Variants in DLG2 observed in about 807,000 individuals in gnomAD.
DLG2 encodes the protein discs large MAGUK scaffold protein 2.
In DLG2, 45 loss-of-function variants were observed where a neutral mutation model predicts 132.5. The ratio of observed to expected loss-of-function variants is 0.34; its 90% CI spans 0.27 to 0.44. DLG2 has a LOEUF of 0.44. Ranked by LOEUF, DLG2 falls within the 20% of genes least tolerant of loss-of-function variation. The pLI, the probability that DLG2 is intolerant of heterozygous loss-of-function variation, is 1.00. For synonymous variants in DLG2, 424 were observed against 419.6 expected, an observed-to-expected ratio of 1.01 and a Z score of -0.13; for missense variants, 1,045 against 1,196.9, an observed-to-expected ratio of 0.87 and a Z score of 1.87.
intron 7 of DLG2, among the ~76,000 whole-genome samples, chr11:84,319,793 G>T (rs904950884): frequency 2.0e-5 from 3 of 151,928 alleles, no homozygotes; most frequent in Non-Finnish European, 1.5e-5. Context: ...ATGTTATTTT[G>T]CTTAAAAGAT....
chr11:83,849,274 A>T (rs1595390875), intron 16 of DLG2, among the ~76,000 whole-genome samples: 1 of 128,902 alleles, frequency 7.8e-6, no homozygotes, highest in East Asian at 1.9e-4. Context: ...TTCCTGGACC[A>T]TATTAATAAA....
chr11:84,298,465 A>C (rs947061835), intron 7 of DLG2, among the ~76,000 whole-genome samples: 3 of 152,196 alleles, frequency 2.0e-5, no homozygotes, highest in African/African-American at 7.2e-5. Flanking sequence ...GCCTTGCCAA[A>C]TATAACACTG....
intron 2 of DLG2, among the ~76,000 whole-genome samples, chr11:85,611,568 G>C (rs770952582): frequency 4.6e-5 from 7 of 152,236 alleles, no homozygotes; most frequent in Non-Finnish European, 7.3e-5. Flanking sequence ...CATAGTTAAT[G>C]ATGTAACCGT....
intron 11 of DLG2, among the ~76,000 whole-genome samples, chr11:84,041,165 T>C (rs918152687): frequency 1.3e-5 from 2 of 152,034 alleles, no homozygotes; most frequent in African/African-American, 4.8e-5. Context: ...CATTACAGTA[T>C]ACTATATGGA....
At chr11:83,991,718 C>A (rs35532485) in intron 11 of DLG2, among the ~76,000 whole-genome samples, 3,369 of 152,162 alleles carry the variant, frequency 0.022, 67 homozygotes, top group Middle Eastern at 0.034. Context: ...TTCTATATTA[C>A]AAACCATCCT....
chr11:84,788,466 G>A lies in DLG2; in HGVS notation c.358-253735C>T, dbSNP rs1325191828. Among the ~76,000 whole-genome samples, 4 of 152,084 alleles carry A rather than the reference G, an allele frequency of 2.6e-5. No individual in the cohort carries two copies. The South Asian group carries it at 6.2e-4, about 24-fold the overall frequency. On this transcript the variant is annotated intron_variant, in intron 6 of 27. Coordinates refer to ENST00000376104, the MANE Select transcript of DLG2 (RefSeq NM_001142699.3). ...CAGGGTAATAAAATGCATGCCTGTG[G>A]TCCTGAGTCATTCTCCACATACATT...
chr11:83,914,514 T>C (rs2076596683), intron 15 of DLG2, among the ~76,000 whole-genome samples: 1 of 152,196 alleles, frequency 6.6e-6, no homozygotes, highest in Non-Finnish European at 1.5e-5. Flanking sequence ...TGATCTCTGA[T>C]CTCTTTTCCA....
At chr11:83,848,575 T>A (rs1178248026) in intron 16 of DLG2, among the ~76,000 whole-genome samples, 2 of 152,190 alleles carry the variant, frequency 1.3e-5, no homozygotes, top group Admixed American at 1.3e-4. Flanking sequence ...CTTCCAATCA[T>A]CCAACAAATG....
intron 6 of DLG2, among the ~76,000 whole-genome samples, chr11:84,966,739 G>A (rs1291643638): frequency 6.6e-6 from 1 of 152,124 alleles, no homozygotes; most frequent in Non-Finnish European, 1.5e-5. Context: ...CCATGTATAA[G>A]TGAAGGATAT....
intron 11 of DLG2, among the ~76,000 whole-genome samples, chr11:84,055,836 C>A (rs1042155930): frequency 6.6e-6 from 1 of 152,080 alleles, no homozygotes; most frequent in African/African-American, 2.4e-5. Context: ...AGAGCAAGAA[C>A]TATCTGAATT....
At chr11:83,582,004 T>G (rs1230659694) in intron 19 of DLG2, among the ~76,000 whole-genome samples, 1 of 123,218 alleles carries the variant, frequency 8.1e-6, no homozygotes, top group Non-Finnish European at 1.6e-5. Flanking sequence ...TTGCGCAGGC[T>G]GGAGTGCAAT....
intron 7 of DLG2, among the ~76,000 whole-genome samples, chr11:84,533,007 G>C (rs2099346540): frequency 6.6e-6 from 1 of 152,120 alleles, no homozygotes; most frequent in African/African-American, 2.4e-5. Flanking sequence ...ACAGAATTCT[G>C]ATTCCTAAAC....
intron 7 of DLG2, among the ~76,000 whole-genome samples, chr11:84,376,189 T>G (rs982372172): frequency 6.6e-6 from 1 of 151,928 alleles, no homozygotes; most frequent in Non-Finnish European, 1.5e-5. Flanking sequence ...CTCTCTCTTT[T>G]TAATTCTTAA....
intron 3 of DLG2, among the ~76,000 whole-genome samples, chr11:85,423,119 T>A (rs1284205723): frequency 1.3e-5 from 2 of 152,208 alleles, no homozygotes; most frequent in African/African-American, 4.8e-5. Context: ...CAGATTCTTT[T>A]GTCCTACAAG....
intron 4 of DLG2, among the ~76,000 whole-genome samples, chr11:85,187,706 A>G (rs2080217754): frequency 6.6e-6 from 1 of 152,118 alleles, no homozygotes; most frequent in Non-Finnish European, 1.5e-5. Flanking sequence ...TGCTAGTTCT[A>G]TTAGGATGGG....
intron 8 of DLG2, among the ~76,000 whole-genome samples, chr11:84,176,317 TTA>T (rs5793112): frequency 0.8 from 116,583 of 146,002 alleles, 47,298 homozygotes; most frequent in Middle Eastern, 0.9. Context: ...GCAGTAAAGC[TTA>T]TATATATATA....
chr11:84,934,506 T>G (rs1298128721), intron 6 of DLG2, among the ~76,000 whole-genome samples: 3 of 72,918 alleles, frequency 4.1e-5, no homozygotes, highest in Admixed American at 1.3e-4. Context: ...TCCTGGGTGT[T>G]TTTTTTTTGT....
At chr11:84,511,149 A>C (rs929504895) in intron 7 of DLG2, among the ~76,000 whole-genome samples, 6 of 152,104 alleles carry the variant, frequency 3.9e-5, no homozygotes, top group African/African-American at 1.4e-4. Context: ...GAAAATGATA[A>C]TGCATAAAGA....
chr11:84,770,507 G>C (rs1336402143), intron 6 of DLG2, among the ~76,000 whole-genome samples: 4 of 151,986 alleles, frequency 2.6e-5, no homozygotes, highest in African/African-American at 4.8e-5. Flanking sequence ...GCCTCTTTAT[G>C]TTCATAAGTT....
Sources: gnomAD v4.1 joint callset for allele counts (sites outside exome capture counted in the v4.1 genomes callset) on GRCh38, gnomAD v4.1.1 for gene constraint, MANE v1.5 for transcripts, NCBI Gene and HGNC (gene_info 2026-07-23, HGNC 2026-07-21) for gene names.